FAM167A: variants seen among roughly 807,000 people sequenced by gnomAD.
FAM167A encodes protein FAM167A.
In FAM167A, 23 loss-of-function variants were observed where a neutral mutation model predicts 14.9. The ratio of observed to expected loss-of-function variants is 1.55; its 90% CI spans 1.11 to 2.19. The LOEUF is 2.19. Ranked by LOEUF, FAM167A falls within the 30% of genes most tolerant of loss-of-function variation. The pLI is 0.00. For synonymous variants in FAM167A, 174 were observed against 117.7 expected (o/e 1.48, Z -3.10); for missense variants, 401 against 281.5 (o/e 1.42, Z -3.04).
intron 1 of FAM167A, among the ~76,000 whole-genome samples, chr8:11,447,965 G>T (rs2117103092): frequency 6.6e-6 from 1 of 152,298 alleles, no homozygotes; most frequent in African/African-American, 2.4e-5. Flanking sequence ...GGAGGCCGAG[G>T]CGGGTGGATC....
intron 1 of FAM167A, among the ~76,000 whole-genome samples, chr8:11,456,946 G>C (rs1807342100): frequency 7.2e-6 from 1 of 139,816 alleles, no homozygotes; most frequent in African/African-American, 2.7e-5. Flanking sequence ...GTATGAGCGG[G>C]GCTGGGTTAG....
intron 1 of FAM167A, among the ~76,000 whole-genome samples, chr8:11,466,354 C>G (rs979303637): frequency 6.6e-6 from 1 of 152,252 alleles, no homozygotes; most frequent in African/African-American, 2.4e-5. Context: ...AATCCGAGCC[C>G]GGACACGGCC....
At chr8:11,467,473 C>T (rs1256534976), upstream of FAM167A, 2 of 152,530 alleles carry the variant, frequency 1.3e-5, no homozygotes, top group Non-Finnish European at 2.9e-5. Flanking sequence ...CCAGGCCAGA[C>T]ACTGGAGGCC....
intron 2 of FAM167A, among the ~76,000 whole-genome samples, chr8:11,437,047 TCTCCAAAGTCACTTCATA>T (rs1262262733): frequency 6.6e-6 from 1 of 152,158 alleles, no homozygotes; most frequent in Non-Finnish European, 1.5e-5. Context: ...GCTGTTTTGT[TCTCCAAAGTCACTTCATA>T]CTCCATTACT....
upstream of FAM167A, among the ~76,000 whole-genome samples, chr8:11,467,790 T>C (rs1016577233): frequency 6.6e-6 from 1 of 152,238 alleles, no homozygotes; most frequent in African/African-American, 2.4e-5. Context: ...CAACTCCGCA[T>C]CCAGCCCTGA....
chr8:11,435,881 C>T (rs4841531), intron 2 of FAM167A, among the ~76,000 whole-genome samples: 32,335 of 152,212 alleles, frequency 0.21, 3,690 homozygotes, highest in Middle Eastern at 0.33. Flanking sequence ...TACAGGACAT[C>T]GAGTTCCGGA....
upstream of FAM167A, among the ~76,000 whole-genome samples, chr8:11,471,228 G>A (rs897270849): frequency 2.0e-5 from 3 of 152,246 alleles, no homozygotes; most frequent in African/African-American, 2.4e-5. Context: ...GGGCATGTGC[G>A]GAGGCTTTGT....
chr8:11,445,501 C>T (rs907948659), intron 1 of FAM167A: 5 of 985,588 alleles, frequency 5.1e-6, no homozygotes, highest in Admixed American at 6.1e-5. Context: ...GATGGCTAAA[C>T]AAGCAGGCTG....
At position 11,421,697 on chromosome 8, in the gene FAM167A, G is replaced by C. The variant is rs926556715; in HGVS notation, c.*2676C>G. The C allele has an allele frequency of 2.5e-6, 1 of 398,996 alleles. No individual in the cohort carries two copies. The highest frequency in any genetic ancestry group is 4.4e-6 in the Non-Finnish European group (1 of 226,072). The allele number at this position is 398,996 out of a possible 1,614,324, so 24.7% of individuals were successfully genotyped here. A position where few individuals can be genotyped will look rare whatever the true frequency, so the allele number is the denominator to read the frequency against. Reference sequence around the variant, plus strand: ...TTTGATAGCTACTGAGCCCCTGAAGGCATCAAGACATGACCACGCATGGCA... The same window carrying C: ...TTTGATAGCTACTGAGCCCCTGAAGCCATCAAGACATGACCACGCATGGCA... On this transcript the variant is annotated 3_prime_UTR_variant, in exon 3 of 3. Coordinates refer to ENST00000284486, the MANE Select transcript of FAM167A (RefSeq NM_053279.3).
At chr8:11,441,356 G>A (rs1223534203) in intron 2 of FAM167A, among the ~76,000 whole-genome samples, 1 of 152,242 alleles carries the variant, frequency 6.6e-6, no homozygotes, top group Non-Finnish European at 1.5e-5. Context: ...GGGACTAACA[G>A]AATAGTGTCA....
At chr8:11,434,292 G>C (rs960949141) in intron 2 of FAM167A, among the ~76,000 whole-genome samples, 13 of 152,194 alleles carry the variant, frequency 8.5e-5, no homozygotes, top group Non-Finnish European at 1.9e-4. Flanking sequence ...CTGCAGGGCG[G>C]GGACTCTGAG....
chr8:11,444,162 G>A lies in FAM167A; in HGVS notation c.250C>T (p.Pro84Ser). The A allele has an allele frequency of 1.2e-6, 2 of 1,613,040 alleles. No individual in the cohort carries two copies. Among genetic ancestry groups the A allele is most frequent in the Non-Finnish European group, 1.7e-6 (2 of 1,179,818 alleles). ...GERGGQEPLL[P>S]LREAGQHPPS... ...GGGTGCTGCCCAGCCTCTCTCAGGG[G>A]GAGCAAGGGCTCCTGCCCCCCACGC... is the stretch of plus-strand genomic sequence containing the variant. Residue 84 changes from proline (P) to serine (S), a missense_variant, in exon 2 of 3, where the codon CCC becomes TCC. Physicochemically the swap from Pro to Ser is moderately conservative, Grantham distance 74. Transcript: ENST00000284486.
chr8:11,464,551 G>A (rs1807677520), intron 1 of FAM167A, among the ~76,000 whole-genome samples: 1 of 152,172 alleles, frequency 6.6e-6, no homozygotes, highest in Admixed American at 6.5e-5. Context: ...AAGTCTCGGG[G>A]TGCATTTGCA....
Position 11,421,807 on chromosome 8 carries a change from A to G in FAM167A, c.*2566T>C, listed in dbSNP as rs1195227082. 3 of 398,854 alleles carry G rather than the reference A, an allele frequency of 7.5e-6. No homozygotes were observed. Among genetic ancestry groups the G allele is most frequent in the Non-Finnish European group, 1.3e-5 (3 of 226,086 alleles). The allele number at this position is 398,854 out of a possible 1,614,324, so 24.7% of individuals were successfully genotyped here. On this transcript the variant is annotated 3_prime_UTR_variant, in exon 3 of 3. Coordinates refer to ENST00000284486, the MANE Select transcript of FAM167A (RefSeq NM_053279.3). ...ATGGATAATGAGTACAACTGCAAACAGCACTGTACACATGTGGTGAGCCAG... is the reference window on the plus strand; with the variant it reads ...ATGGATAATGAGTACAACTGCAAACGGCACTGTACACATGTGGTGAGCCAG...
chr8:11,441,341 G>C (rs905153480), intron 2 of FAM167A, among the ~76,000 whole-genome samples: 4 of 152,170 alleles, frequency 2.6e-5, no homozygotes, highest in African/African-American at 9.7e-5. Context: ...CCTAAGTGTG[G>C]CCCAGGGACT....
At chr8:11,438,277 G>A (rs79371314) in intron 2 of FAM167A, 2 of 402,498 alleles carry the variant, frequency 5.0e-6, no homozygotes, top group Non-Finnish European at 5.0e-6. Flanking sequence ...CCAGGAAAGG[G>A]AGAGCAGGCA....
intron 1 of FAM167A, among the ~76,000 whole-genome samples, chr8:11,473,175 G>A (rs1163006981): frequency 3.9e-5 from 6 of 152,214 alleles, no homozygotes; most frequent in African/African-American, 9.7e-5. Context: ...CCACGGCAAC[G>A]TCAGTGATGC....
chr8:11,447,107 C>A (rs1469546648), intron 1 of FAM167A, among the ~76,000 whole-genome samples: 1 of 152,240 alleles, frequency 6.6e-6, no homozygotes, highest in Non-Finnish European at 1.5e-5. Flanking sequence ...GGGTGAGGGG[C>A]TCCTCTCAGG....
At chr8:11,473,095 C>G (rs185069269) in intron 1 of FAM167A, among the ~76,000 whole-genome samples, 8 of 152,306 alleles carry the variant, frequency 5.3e-5, no homozygotes, top group African/African-American at 1.9e-4. Flanking sequence ...AAGACCAGGA[C>G]CTGCAGTAGA....
Sources: gnomAD v4.1 joint callset for allele counts (sites outside exome capture counted in the v4.1 genomes callset) on GRCh38, gnomAD v4.1.1 for gene constraint, MANE v1.5 for transcripts, NCBI Gene and HGNC (gene_info 2026-07-23, HGNC 2026-07-21) for gene names.